Variants in ADGRL3 observed in about 807,000 individuals in gnomAD.
ADGRL3 encodes the protein calcium-independent alpha-latrotoxin receptor 3.
Under a neutral mutation model 153.5 loss-of-function variants are expected in ADGRL3, and 62 were observed. The ratio of observed to expected loss-of-function variants is 0.40; its 90% CI spans 0.33 to 0.50. The LOEUF (loss-of-function observed/expected upper bound fraction) is 0.50. Among genes scored for constraint, ADGRL3 ranks in the 20% least tolerant of loss-of-function variants. ADGRL3 has a pLI of 0.47. For missense variants in ADGRL3, 1,641 were observed against 1,859.4 expected, an observed-to-expected ratio of 0.88 and a Z score of 2.16; for synonymous variants, 710 against 672.5, an observed-to-expected ratio of 1.06 and a Z score of -0.86.
rs139280134 is a variant in ADGRL3 at position 62,008,621 on chromosome 4, T to C, written c.3395+10356T>C. Among the ~76,000 whole-genome samples the C allele has an allele frequency of 5.4e-3, 824 of 151,834 alleles. 7 individuals carry two copies. Among genetic ancestry groups the C allele is most frequent in the African/African-American group, 0.019 (780 of 41,472 alleles). On this transcript the variant is annotated intron_variant, in intron 21 of 26. Transcript: ENST00000683033. ...AATATAACATTATTATGAAGTTGTTTTAATCTTCTATTTTTCTCCTTCATA... is the reference window on the plus strand; with the variant it reads ...AATATAACATTATTATGAAGTTGTTCTAATCTTCTATTTTTCTCCTTCATA...
intron 4 of ADGRL3, among the ~76,000 whole-genome samples, chr4:61,535,247 G>A (rs2098648319): frequency 6.6e-6 from 1 of 152,036 alleles, no homozygotes; most frequent in African/African-American, 2.4e-5. Context: ...CAAATTTACT[G>A]AATTGTGTAT....
intron 6 of ADGRL3, among the ~76,000 whole-genome samples, chr4:61,699,861 G>GA (rs1561084990): frequency 6.6e-6 from 1 of 151,466 alleles, no homozygotes; most frequent in African/African-American, 2.4e-5. Flanking sequence ...GCTTAACTTG[G>GA]AAAAAAAGTA....
intron 4 of ADGRL3, among the ~76,000 whole-genome samples, chr4:61,565,272 T>C (rs1016610769): frequency 3.3e-5 from 5 of 152,196 alleles, no homozygotes; most frequent in Admixed American, 6.5e-5. Flanking sequence ...ATATCATCTA[T>C]TGTATGATTT....
At chr4:61,679,644 ACAAGATCCTC>A (rs1467728937) in intron 6 of ADGRL3, among the ~76,000 whole-genome samples, 2 of 152,056 alleles carry the variant, frequency 1.3e-5, no homozygotes, top group African/African-American at 4.8e-5. Context: ...TTTAATTTTT[ACAAGATCCTC>A]CTTGTTATGT....
At chr4:61,349,899 G>T (rs1251137797) in intron 1 of ADGRL3, among the ~76,000 whole-genome samples, 1 of 152,032 alleles carries the variant, frequency 6.6e-6, no homozygotes, top group East Asian at 1.9e-4. Context: ...TCCATACCTT[G>T]ATCTTATTTG....
At chr4:61,430,595 G>A (rs1285348908) in intron 2 of ADGRL3, among the ~76,000 whole-genome samples, 1 of 151,958 alleles carries the variant, frequency 6.6e-6, no homozygotes. Flanking sequence ...CTACTGAAAT[G>A]TACATTTTAA....
At chr4:61,461,847 T>C (rs1467889943) in intron 2 of ADGRL3, among the ~76,000 whole-genome samples, 5 of 152,170 alleles carry the variant, frequency 3.3e-5, no homozygotes, top group African/African-American at 4.8e-5. Flanking sequence ...TTCAGTCCCA[T>C]GCCTCTTAGC....
chr4:62,037,531 C>T (rs1298227259), intron 23 of ADGRL3, among the ~76,000 whole-genome samples, 200 bp from the exon 24 acceptor site: 1 of 151,682 alleles, frequency 6.6e-6, no homozygotes, highest in Non-Finnish European at 1.5e-5. Context: ...TTAAAAGGCT[C>T]CAGTTAGGCA....
At chr4:61,245,292 A>T (rs764876411) in intron 1 of ADGRL3, among the ~76,000 whole-genome samples, 1 of 152,028 alleles carries the variant, frequency 6.6e-6, no homozygotes, top group Admixed American at 6.6e-5. Flanking sequence ...TCTCCCAGGC[A>T]GCTCCCTTTC....
At chr4:61,645,994 C>T (rs936406082) in intron 5 of ADGRL3, among the ~76,000 whole-genome samples, 1 of 152,062 alleles carries the variant, frequency 6.6e-6, no homozygotes, top group Non-Finnish European at 1.5e-5. Flanking sequence ...TCTTTTTATT[C>T]TTTTTTCTCT....
intron 2 of ADGRL3, among the ~76,000 whole-genome samples, chr4:61,390,238 TA>T (rs1464431381): frequency 6.6e-6 from 1 of 152,222 alleles, no homozygotes; most frequent in Non-Finnish European, 1.5e-5. Context: ...TTCTTATTTT[TA>T]TGGCTAAACC....
chr4:61,883,692 A>G (rs1388938809), intron 9 of ADGRL3, among the ~76,000 whole-genome samples: 1 of 152,052 alleles, frequency 6.6e-6, no homozygotes, highest in African/African-American at 2.4e-5. Context: ...TCATTATTTT[A>G]CTCTTAAACA....
chr4:61,860,343 C>G (rs1487107286), intron 9 of ADGRL3, among the ~76,000 whole-genome samples: 2 of 151,996 alleles, frequency 1.3e-5, no homozygotes, highest in Non-Finnish European at 2.9e-5. Context: ...TAACAATATA[C>G]AGATAAACGT....
At chr4:62,038,731 C>T (rs1353364930) in intron 24 of ADGRL3, among the ~76,000 whole-genome samples, 1 of 152,110 alleles carries the variant, frequency 6.6e-6, no homozygotes, top group Non-Finnish European at 1.5e-5. Flanking sequence ...CCTCCAGCCT[C>T]CCGAGTAGCT....
At chr4:61,743,008 T>G (rs1022696719) in intron 8 of ADGRL3, among the ~76,000 whole-genome samples, 6 of 152,012 alleles carry the variant, frequency 3.9e-5, no homozygotes, top group Admixed American at 3.3e-4. Context: ...AAATTTTTTT[T>G]TTTTTCAATA....
At chr4:61,771,695 C>T (rs1467226557) in intron 8 of ADGRL3, among the ~76,000 whole-genome samples, 1 of 152,156 alleles carries the variant, frequency 6.6e-6, no homozygotes, top group African/African-American at 2.4e-5. Context: ...GCAGGGATTA[C>T]AGGCATGAGC....
intron 1 of ADGRL3, among the ~76,000 whole-genome samples, chr4:61,216,808 G>C (rs568406582): frequency 2.6e-5 from 4 of 152,270 alleles, no homozygotes; most frequent in Admixed American, 1.3e-4. Context: ...TTCTTCATGT[G>C]TTGAAAAGGA....
At chr4:61,960,077 A>G (rs2098982230) in intron 17 of ADGRL3, among the ~76,000 whole-genome samples, 1 of 152,210 alleles carries the variant, frequency 6.6e-6, no homozygotes, top group Non-Finnish European at 1.5e-5. Flanking sequence ...GTAAGATTTT[A>G]TTACATTATC....
chr4:62,051,519 C>A (rs1031305352), intron 25 of ADGRL3, among the ~76,000 whole-genome samples: 3 of 150,696 alleles, frequency 2.0e-5, no homozygotes, highest in Non-Finnish European at 4.5e-5. Flanking sequence ...AAAAAAAAAT[C>A]TTCTTATTGC....
Sources: gnomAD v4.1 joint callset for allele counts (sites outside exome capture counted in the v4.1 genomes callset) on GRCh38, gnomAD v4.1.1 for gene constraint, MANE v1.5 for transcripts, NCBI Gene and HGNC (gene_info 2026-07-23, HGNC 2026-07-21) for gene names.